Variants in SLC6A11 observed in about 807,000 individuals in gnomAD.
SLC6A11 encodes the protein solute carrier family 6 member 11, also known as sodium- and chloride-dependent GABA transporter 3.
In SLC6A11, 25 loss-of-function variants were observed where a neutral mutation model predicts 74.8. The observed-to-expected ratio is 0.33, with a 90% CI of 0.24 to 0.47. The LOEUF is 0.47. Among genes scored for constraint, SLC6A11 ranks in the 20% least tolerant of loss-of-function variants. The pLI, the probability that SLC6A11 is intolerant of heterozygous loss-of-function variation, is 1.00. For synonymous variants in SLC6A11, 330 were observed against 330.2 expected (o/e 1.00, Z 0.01); for missense variants, 574 against 837.0 (o/e 0.69, Z 3.88).
rs146928760 is a variant in SLC6A11, at chr3:10,916,661, C to A, written c.996-1668C>A. On this transcript the variant is annotated intron_variant, in intron 7 of 13. Transcript: ENST00000254488. ...GTCACATCTGCTAACATCCTGTTGTCCAAAGCAAGTCATGTGGCTAAGCCC... is the reference window on the plus strand; with the variant it reads ...GTCACATCTGCTAACATCCTGTTGTACAAAGCAAGTCATGTGGCTAAGCCC... Among the ~76,000 whole-genome samples, 1,008 of 152,292 alleles carry A rather than the reference C, an allele frequency of 6.6e-3. 8 individuals carry two copies. The highest frequency in any genetic ancestry group is 0.017 in the South Asian group (83 of 4,828).
intron 5 of SLC6A11, among the ~76,000 whole-genome samples, chr3:10,849,904 T>C (rs1465936001): frequency 6.6e-6 from 1 of 151,038 alleles, no homozygotes; most frequent in African/African-American, 2.4e-5. Flanking sequence ...ATTGGCCAAC[T>C]GTGGTTTTAG....
intron 6 of SLC6A11, among the ~76,000 whole-genome samples, chr3:10,897,115 T>C (rs959099864): frequency 6.6e-6 from 1 of 152,154 alleles, no homozygotes; most frequent in Non-Finnish European, 1.5e-5. Context: ...GAGAACAGTA[T>C]GGGGGAACTG....
At chr3:10,845,398 G>A (rs1000949059) in intron 5 of SLC6A11, among the ~76,000 whole-genome samples, 1 of 152,162 alleles carries the variant, frequency 6.6e-6, no homozygotes, top group African/African-American at 2.4e-5. Context: ...ACGAAAAAGA[G>A]GGAAATGAAG....
At chr3:10,864,802 G>A (rs2106596992) in intron 5 of SLC6A11, among the ~76,000 whole-genome samples, 1 of 152,294 alleles carries the variant, frequency 6.6e-6, no homozygotes, top group South Asian at 2.1e-4. Flanking sequence ...TTTGAGTCTG[G>A]CTGCTGCAGC....
chr3:10,847,980 C>T (rs1384451514), intron 5 of SLC6A11, among the ~76,000 whole-genome samples: 1 of 152,200 alleles, frequency 6.6e-6, no homozygotes, highest in African/African-American at 2.4e-5. Flanking sequence ...AGCTATTGTC[C>T]AGCTGCAACT....
intron 5 of SLC6A11, among the ~76,000 whole-genome samples, chr3:10,870,418 A>G (rs1019210090): frequency 1.3e-5 from 2 of 152,172 alleles, no homozygotes; most frequent in African/African-American, 4.8e-5. Context: ...GGCTGCCTGG[A>G]GTGCTGTGCG....
intron 6 of SLC6A11, among the ~76,000 whole-genome samples, chr3:10,893,331 G>T (rs1695129484): frequency 6.6e-6 from 1 of 152,146 alleles, no homozygotes; most frequent in African/African-American, 2.4e-5. Flanking sequence ...CTCTTGACTC[G>T]TGGAAGACTT....
At chr3:10,937,264 T>C (rs1488278282) in intron 13 of SLC6A11, among the ~76,000 whole-genome samples, 1 of 152,152 alleles carries the variant, frequency 6.6e-6, no homozygotes, top group Non-Finnish European at 1.5e-5. Flanking sequence ...CCTTGTTAAA[T>C]TGTAGAGCCT....
At chr3:10,873,489 C>A (rs796417339) in intron 5 of SLC6A11, among the ~76,000 whole-genome samples, 288 of 125,562 alleles carry the variant, frequency 2.3e-3, no homozygotes, top group South Asian at 7.5e-3. Context: ...CATACCCTAC[C>A]CTATGCTATC....
chr3:10,885,576 TGCACAGGACA>T (rs1180490891), intron 6 of SLC6A11, among the ~76,000 whole-genome samples: 5 of 142,736 alleles, frequency 3.5e-5, no homozygotes, highest in African/African-American at 5.3e-5. Flanking sequence ...CATCTTACAA[TGCACAGGACA>T]GCCCCCATGA....
intron 7 of SLC6A11, among the ~76,000 whole-genome samples, chr3:10,913,435 A>G (rs1465493900): frequency 6.6e-6 from 1 of 152,222 alleles, no homozygotes; most frequent in Admixed American, 6.5e-5. Context: ...TCCACCTTCT[A>G]TACAGCTTAA....
At chr3:10,934,922 T>G in intron 12 of SLC6A11, 107 bp from the exon 13 acceptor site, 1 of 970,174 alleles carries the variant, frequency 1.0e-6, no homozygotes, top group African/African-American at 1.6e-5. Flanking sequence ...AGGGCCAGCT[T>G]CCTCCCCTGC....
chr3:10,837,112 G>A (rs1202915364), intron 4 of SLC6A11, among the ~76,000 whole-genome samples: 4 of 152,168 alleles, frequency 2.6e-5, no homozygotes, highest in African/African-American at 7.2e-5. Context: ...TGGGGACCAA[G>A]GAAGCACTTG....
At chr3:10,897,242 CT>C (rs933081401) in intron 6 of SLC6A11, among the ~76,000 whole-genome samples, 145 of 152,280 alleles carry the variant, frequency 9.5e-4, no homozygotes, top group African/African-American at 3.4e-3. Flanking sequence ...CATTCTGCCC[CT>C]GGCCCCTCCT....
chr3:10,932,025 A>G (rs1695694551), intron 10 of SLC6A11, among the ~76,000 whole-genome samples: 1 of 149,334 alleles, frequency 6.7e-6, no homozygotes, highest in Non-Finnish European at 1.5e-5. Flanking sequence ...ACCCCACCCC[A>G]CCTGATCCTT....
chr3:10,914,784 C>T (rs1442598144), intron 7 of SLC6A11, among the ~76,000 whole-genome samples: 1 of 152,162 alleles, frequency 6.6e-6, no homozygotes, highest in Non-Finnish European at 1.5e-5. Flanking sequence ...GGCTTCCGGG[C>T]TGGGCCAAGT....
Position 10,935,012 on chromosome 3 carries a change from C to A in SLC6A11, c.1576-17C>A. The stretch of plus-strand genomic sequence containing the variant: ...TGAGGGCCCATCCCCCAGGCACCTG[C>A]CCCCATCTCTCTGCAGGGGATCTTC... On this transcript the variant is annotated splice_polypyrimidine_tract_variant and intron_variant, in intron 12 of 13. Transcript: ENST00000254488. 6.2e-7 allele frequency: 1 copy of A among 1,608,536 alleles called. No individual in the cohort carries two copies. Among genetic ancestry groups the A allele is most frequent in the Non-Finnish European group, 8.5e-7 (1 of 1,176,936 alleles).
chr3:10,927,609 C>A (rs1206425801), intron 9 of SLC6A11, among the ~76,000 whole-genome samples: 1 of 152,222 alleles, frequency 6.6e-6, no homozygotes, highest in African/African-American at 2.4e-5. Flanking sequence ...GGATAAACAA[C>A]CTCCTTTGCA....
intron 6 of SLC6A11, among the ~76,000 whole-genome samples, chr3:10,900,438 G>T (rs1006184147): frequency 6.6e-6 from 1 of 152,226 alleles, no homozygotes; most frequent in Non-Finnish European, 1.5e-5. Context: ...TTCCATTCCA[G>T]TTGGGGGAGA....
Sources: gnomAD v4.1 joint callset for allele counts (sites outside exome capture counted in the v4.1 genomes callset) on GRCh38, gnomAD v4.1.1 for gene constraint, MANE v1.5 for transcripts, NCBI Gene and HGNC (gene_info 2026-07-23, HGNC 2026-07-21) for gene names.